DCLK3: variants seen among roughly 807,000 people sequenced by gnomAD.
The protein encoded by DCLK3 is serine/threonine-protein kinase DCLK3.
In DCLK3, 30 loss-of-function variants were observed where a neutral mutation model predicts 46.4. The observed-to-expected ratio is 0.65, with a 90% CI of 0.48 to 0.88. The LOEUF is 0.88. Among genes scored for constraint, DCLK3 ranks in the 40% least tolerant of loss-of-function variants. DCLK3 has a pLI of 0.00. For synonymous variants in DCLK3, 401 were observed against 339.2 expected (o/e 1.18, Z -2.00); for missense variants, 846 against 907.1 (o/e 0.93, Z 0.87).
intron 1 of DCLK3, among the ~76,000 whole-genome samples, chr3:36,758,973 T>C (rs1701512689): frequency 6.6e-6 from 1 of 152,236 alleles, no homozygotes; most frequent in African/African-American, 2.4e-5. Context: ...CCAAATGTAT[T>C]TGACTTGTAG....
chr3:36,726,255 G>C (rs1242454621), intron 2 of DCLK3, among the ~76,000 whole-genome samples: 6 of 151,982 alleles, frequency 3.9e-5, no homozygotes, highest in Non-Finnish European at 7.4e-5. Flanking sequence ...AAACTAGCTT[G>C]TACCCACACA....
Position 36,738,080 on chromosome 3 carries a change from C to T in DCLK3, c.1087G>A (p.Gly363Arg). 6.2e-7 allele frequency: 1 copy of T among 1,613,632 alleles called. No homozygotes were observed. The highest frequency in any genetic ancestry group is 8.5e-7 in the Non-Finnish European group (1 of 1,179,782). Residue 363 changes from glycine to arginine, a missense_variant, in exon 2 of 5, where the codon GGG (glycine) becomes AGG (arginine). Gly to Arg is a moderately radical substitution (Grantham distance 125). Around this residue, in one of 3 missense-constraint regions of DCLK3, gnomAD observed 553 missense variants for 543.0 expected, o/e 1.02. Transcript: ENST00000636136. ...RRSPEANPAS[G>R]EEGWKGDSHR... ...CTGTCACCCTTCCACCCTTCCTCCC[C>T]ACTTGCAGGATTTGCCTCGGGAGAC... is the stretch of plus-strand genomic sequence containing the variant.
chr3:36,715,533 A>T lies in DCLK3; in HGVS notation c.2261-12T>A. ...CAGATCTTTAGCAGCTGTTGGAATG[A>T]GAGAAGGGGAAAATGTGATGAATGC... On this transcript the variant is annotated splice_polypyrimidine_tract_variant and intron_variant, in intron 4 of 4. Coordinates refer to ENST00000636136, the MANE Select transcript of DCLK3 (RefSeq NM_001394672.2). The T allele has an allele frequency of 6.6e-7, 1 of 1,518,060 alleles. No homozygotes were observed. The highest frequency in any genetic ancestry group is 8.8e-7 in the Non-Finnish European group (1 of 1,135,296). 94.0% of individuals were successfully genotyped at this position (1,518,060 alleles called of 1,614,324 possible).
At chr3:36,761,603 G>A (rs367724435) in intron 1 of DCLK3, among the ~76,000 whole-genome samples, 84 of 152,188 alleles carry the variant, frequency 5.5e-4, no homozygotes, top group African/African-American at 2.0e-3. Flanking sequence ...ACATTATCAA[G>A]AGGCCACCAA....
At chr3:36,752,009 T>TG (rs1701446614) in intron 1 of DCLK3, among the ~76,000 whole-genome samples, 1 of 152,252 alleles carries the variant, frequency 6.6e-6, no homozygotes, top group Non-Finnish European at 1.5e-5. Flanking sequence ...CACACTGTCA[T>TG]GGATTCCATT....
intron 1 of DCLK3, among the ~76,000 whole-genome samples, chr3:36,751,526 A>T (rs1559394363): frequency 6.6e-6 from 1 of 152,240 alleles, no homozygotes; most frequent in Non-Finnish European, 1.5e-5. Flanking sequence ...GCAGAAACTG[A>T]CACAGTTCCC....
chr3:36,740,602 T>A (rs1701334433), intron 1 of DCLK3, among the ~76,000 whole-genome samples: 1 of 152,208 alleles, frequency 6.6e-6, no homozygotes, highest in South Asian at 2.1e-4. Flanking sequence ...ACTTTTGTAT[T>A]TCCTAATTGA....
chr3:36,726,527 T>C (rs2125524624), intron 2 of DCLK3, among the ~76,000 whole-genome samples: 1 of 152,160 alleles, frequency 6.6e-6, no homozygotes, highest in East Asian at 1.9e-4. Flanking sequence ...AGAGGAACTC[T>C]GCCTCTCCCT....
chr3:36,732,062 G>A (rs183909411), intron 2 of DCLK3, among the ~76,000 whole-genome samples: 34 of 152,236 alleles, frequency 2.2e-4, no homozygotes, highest in South Asian at 1.2e-3. Context: ...GGGATTAAGC[G>A]GACTAAAGGA....
intron 1 of DCLK3, among the ~76,000 whole-genome samples, chr3:36,754,685 T>C (rs1473772352): frequency 1.3e-5 from 2 of 152,214 alleles, no homozygotes; most frequent in Non-Finnish European, 2.9e-5. Flanking sequence ...TTTTCATGGC[T>C]CCTGTAACTC....
chr3:36,745,820 G>A (rs185969341), intron 1 of DCLK3, among the ~76,000 whole-genome samples: 1 of 152,270 alleles, frequency 6.6e-6, no homozygotes, highest in African/African-American at 2.4e-5. Flanking sequence ...AAACATTTGT[G>A]AACTTACATT....
intron 3 of DCLK3, among the ~76,000 whole-genome samples, chr3:36,721,115 C>T (rs1277410486): frequency 1.3e-5 from 2 of 152,126 alleles, no homozygotes; most frequent in Non-Finnish European, 2.9e-5. Context: ...GGATCCTTTT[C>T]CTTTAAATGC....
rs904769627 is a variant in DCLK3, at chr3:36,753,505, G to A, written c.82+10677C>T. Among the ~76,000 whole-genome samples the A allele has an allele frequency of 2.0e-5, 3 of 151,926 alleles. No individual in the cohort carries two copies. In the East Asian group the frequency reaches 5.8e-4, roughly 29 times the overall value. On this transcript the variant is annotated intron_variant, in intron 1 of 4. Coordinates refer to ENST00000636136, the MANE Select transcript of DCLK3 (RefSeq NM_001394672.2). ...AATAAAGACATCACTTTGTACTCACGATGAAAAAAGAGCAAGAAAGGAAAC... is the reference window on the plus strand; with the variant it reads ...AATAAAGACATCACTTTGTACTCACAATGAAAAAAGAGCAAGAAAGGAAAC...
rs1003662073 is a variant in DCLK3 at position 36,715,519 on chromosome 3, C to T, written c.2263G>A (p.Ala755Thr). 22 of 1,523,032 alleles carry T rather than the reference C, an allele frequency of 1.4e-5. No homozygotes were observed. Among genetic ancestry groups the T allele is most frequent in the Non-Finnish European group, 1.8e-5 (20 of 1,137,638 alleles). The allele number at this position is 1,523,032 out of a possible 1,614,324, so 94.3% of individuals were successfully genotyped here. A position where few individuals can be genotyped will look rare whatever the true frequency, so the allele number is the denominator to read the frequency against. ...PPYWDNISDA[A>T]KDLVSRLLVV... is the part of the protein sequence containing the mutation. ...AGCAACCGGCTCACCAGATCTTTAG[C>T]AGCTGTTGGAATGAGAGAAGGGGAA... Residue 755 changes from alanine to threonine, a missense_variant and splice_region_variant, in exon 5 of 5, where the codon GCT becomes ACT. Transcript: ENST00000636136.
In DCLK3 at chr3:36,737,249, TGTC is replaced by T; in HGVS notation, c.1915_1917del (p.Asp639del). 1 of 1,614,178 alleles carries T rather than the reference TGTC, an allele frequency of 6.2e-7. No individual in the cohort carries two copies. Among genetic ancestry groups the T allele is most frequent in the Non-Finnish European group, 8.5e-7 (1 of 1,180,010 alleles). On this transcript the variant is annotated inframe_deletion, in exon 2 of 5. Transcript: ENST00000636136. The surrounding 1 kb of genome is among the most constrained non-coding windows in gnomAD (Gnocchi z 4.4). The stretch of plus-strand genomic sequence containing the variant: ...TTGAGGTCCCGGTGGACAATGCTCT[TGTC>T]GTGCATGTGGACGAGGGCTTTGCAT...
At chr3:36,717,258 C>G (rs1350473442) in intron 4 of DCLK3, among the ~76,000 whole-genome samples, 1 of 152,050 alleles carries the variant, frequency 6.6e-6, no homozygotes, top group Non-Finnish European at 1.5e-5. Flanking sequence ...TGGGACCACC[C>G]CTGGCTAATT....
intron 2 of DCLK3, among the ~76,000 whole-genome samples, chr3:36,725,120 C>T (rs1701109914): frequency 6.6e-6 from 1 of 151,890 alleles, no homozygotes; most frequent in African/African-American, 2.4e-5. Flanking sequence ...CAAGACCATC[C>T]TGGCTAACAC....
chr3:36,722,608 T>A (rs1282675903), intron 2 of DCLK3, among the ~76,000 whole-genome samples: 1 of 152,174 alleles, frequency 6.6e-6, no homozygotes, highest in Non-Finnish European at 1.5e-5. Flanking sequence ...TGGGCAGTAA[T>A]TGAATCATGG....
In DCLK3 at chr3:36,737,645, C is replaced by T. The variant is rs368283858; in HGVS notation, c.1522G>A (p.Gly508Ser). Residue 508 changes from glycine (G) to serine (S), a missense_variant, in exon 2 of 5, where the codon GGT becomes AGT. Gly to Ser is a moderately conservative substitution (Grantham distance 56). Around this residue, in one of 3 missense-constraint regions of DCLK3, gnomAD observed 553 missense variants for 543.0 expected, o/e 1.02. Coordinates refer to ENST00000636136, the MANE Select transcript of DCLK3 (RefSeq NM_001394672.2). The surrounding 1 kb of genome is among the most constrained non-coding windows in gnomAD (Gnocchi z 4.4). ...ATGCCCATGGGCCGTGGCTTCCGAC[C>T]GCTGGGCCGCTCTGGCTTGTTCTCT... Reference protein sequence around the residue: ...PEENKPERPSGRKPRPMGIIA... With the variant: ...PEENKPERPSSRKPRPMGIIA... 42 of 1,613,930 alleles carry T rather than the reference C, an allele frequency of 2.6e-5. No individual in the cohort carries two copies. In the African/African-American group the frequency reaches 2.8e-4, roughly 11 times the overall value.
Sources: allele counts gnomAD v4.1 joint callset (sites outside exome capture counted in the v4.1 genomes callset), GRCh38; gene constraint gnomAD v4.1.1; regional missense constraint gnomAD v4.1.1; non-coding constraint Gnocchi (gnomAD v3.1); transcripts MANE v1.5; gene names NCBI Gene and HGNC (gene_info 2026-07-23, HGNC 2026-07-21).